The following PIP5K1C variants were observed in gnomAD, a reference collection of about 807,000 sequenced individuals.
PIP5K1C encodes phosphatidylinositol 4-phosphate 5-kinase type-1 gamma.
Under a neutral mutation model 80.1 loss-of-function variants are expected in PIP5K1C, and 45 were observed. The observed-to-expected ratio is 0.56, with a 90% CI of 0.44 to 0.72. The LOEUF is 0.72. Ranked by LOEUF, PIP5K1C falls within the 30% of genes least tolerant of loss-of-function variation. The pLI, the probability that PIP5K1C is intolerant of heterozygous loss-of-function variation, is 0.00. For synonymous variants in PIP5K1C, 498 were observed against 420.1 expected, an observed-to-expected ratio of 1.19 and a Z score of -2.27; for missense variants, 753 against 954.6, an observed-to-expected ratio of 0.79 and a Z score of 2.78.
intron 1 of PIP5K1C, among the ~76,000 whole-genome samples, chr19:3,678,398 G>A (rs1403554487): frequency 2.3e-5 from 3 of 132,790 alleles, no homozygotes; most frequent in Admixed American, 2.2e-4. Context: ...ATGGATGGAG[G>A]GATAGAGATG....
intron 1 of PIP5K1C, among the ~76,000 whole-genome samples, chr19:3,690,536 A>T (rs764024414): frequency 3.3e-5 from 5 of 152,170 alleles, no homozygotes; most frequent in African/African-American, 1.2e-4. Context: ...AAGTTATAAA[A>T]GTCTTAGCAG....
chr19:3,633,629 C>T (rs1181897402), intron 16 of PIP5K1C, 109 bp from the exon 17 acceptor site: 20 of 700,380 alleles, frequency 2.9e-5, no homozygotes, highest in Admixed American at 1.9e-4. Context: ...AGAGGCGAAT[C>T]CCCCATGGAA....
At chr19:3,639,057 C>T in intron 15 of PIP5K1C, 41 bp from the exon 16 acceptor site, 1 of 1,603,888 alleles carries the variant, frequency 6.2e-7, no homozygotes, top group South Asian at 1.1e-5. Flanking sequence ...CCCTCAGGCC[C>T]CACACGGAGA....
intron 2 of PIP5K1C, among the ~76,000 whole-genome samples, chr19:3,666,628 C>A (rs891363082): frequency 6.6e-6 from 1 of 152,096 alleles, no homozygotes; most frequent in African/African-American, 2.4e-5. Flanking sequence ...GGCAAATGAA[C>A]ACAGGCAAAC....
At position 3,632,429 on chromosome 19, in the gene PIP5K1C, C is replaced by G. The variant is rs1392755398; in HGVS notation, c.*738G>C. 6.6e-6 allele frequency: 1 copy of G among 152,386 alleles called. No individual in the cohort carries two copies. Among genetic ancestry groups the G allele is most frequent in the Admixed American group, 6.5e-5 (1 of 15,280 alleles). 9.4% of individuals were successfully genotyped at this position (152,386 alleles called of 1,614,324 possible). ...GAGCTCCGCCAGCGTGGGTGGCAGC[C>G]TGGGGAAGAGGAGGCCTGGCCCTCC... On this transcript the variant is annotated 3_prime_UTR_variant, in exon 18 of 18. Coordinates refer to ENST00000335312, the MANE Select transcript of PIP5K1C (RefSeq NM_012398.3).
chr19:3,645,843 G>A, intron 11 of PIP5K1C, 131 bp downstream of exon 11: 1 of 776,576 alleles, frequency 1.3e-6, no homozygotes, highest in Admixed American at 1.8e-5. Flanking sequence ...CCGGTCTGAG[G>A]GGGGCACAGG....
intron 1 of PIP5K1C, among the ~76,000 whole-genome samples, chr19:3,678,181 G>GA (rs2145561617): frequency 1.4e-5 from 2 of 140,000 alleles, no homozygotes; most frequent in East Asian, 2.3e-4. Context: ...GAGGGATGGA[G>GA]GATGGAGAAT....
At chr19:3,641,463 C>A in intron 15 of PIP5K1C, among the ~76,000 whole-genome samples, 1 of 152,126 alleles carries the variant, frequency 6.6e-6, no homozygotes, top group East Asian at 1.9e-4. Context: ...CAGGAGCACC[C>A]CCCAGTTCTA....
chr19:3,642,772 C>G, intron 14 of PIP5K1C, 135 bp downstream of exon 14: 1 of 771,004 alleles, frequency 1.3e-6, no homozygotes, highest in African/African-American at 1.7e-5. Flanking sequence ...GTGCTAGGGC[C>G]GAGTGCTACA....
Position 3,686,659 on chromosome 19 carries a change from G to A in PIP5K1C, c.94+13638C>T, listed in dbSNP as rs182383997. On this transcript the variant is annotated intron_variant, in intron 1 of 17. Transcript: ENST00000335312. ...CTTGAACCCAGGAGGTGGAGCTTGT[G>A]GTGAACCGAGATCGCACCATTGCAC... Among the ~76,000 whole-genome samples, 443 of 149,594 alleles carry A rather than the reference G, an allele frequency of 3.0e-3. 10 individuals carry two copies. Among genetic ancestry groups the A allele is most frequent in the Admixed American group, 0.027 (411 of 14,966 alleles).
At chr19:3,695,722 A>G (rs889103984) in intron 1 of PIP5K1C, among the ~76,000 whole-genome samples, 2 of 133,756 alleles carry the variant, frequency 1.5e-5, no homozygotes, top group African/African-American at 2.9e-5. Flanking sequence ...CCACAATCCC[A>G]CTGACCCTTT....
intron 2 of PIP5K1C, 150 bp from the exon 3 acceptor site, chr19:3,665,064 A>C: frequency 1.4e-6 from 1 of 722,500 alleles, no homozygotes; most frequent in South Asian, 1.5e-5. Context: ...TCCGGGGTGC[A>C]GCAGGAGGCC....
At chr19:3,639,070 C>A (rs2033841874) in intron 15 of PIP5K1C, 54 bp from the exon 16 acceptor site, 5 of 1,592,188 alleles carry the variant, frequency 3.1e-6, no homozygotes, top group Non-Finnish European at 4.3e-6. Context: ...CACGGAGACT[C>A]CCCGCGCCCC....
intron 8 of PIP5K1C, 26 bp downstream of exon 8, chr19:3,651,800 G>A (rs745668168): frequency 5.0e-6 from 8 of 1,602,714 alleles, no homozygotes; most frequent in Admixed American, 3.3e-5. Flanking sequence ...AAGCGGGACG[G>A]GTCCGGCGGC....
chr19:3,632,990 GGGAGGCTT>G lies in PIP5K1C; in HGVS notation c.*169_*176del. The G allele has an allele frequency of 1.9e-6, 1 of 534,866 alleles. No homozygotes were observed. The allele number at this position is 534,866 out of a possible 1,614,324, so 33.1% of individuals were successfully genotyped here. A position where few individuals can be genotyped will look rare whatever the true frequency, so the allele number is the denominator to read the frequency against. ...CTGCCGACCGGGGTGCCGGGGCCCT[GGGAGGCTT>G]GTCGGGGAGGGGCCCGGCCGTCGGC... On this transcript the variant is annotated 3_prime_UTR_variant, in exon 18 of 18. Transcript: ENST00000335312.
chr19:3,660,230 A>C (rs966078263), intron 5 of PIP5K1C, among the ~76,000 whole-genome samples: 1 of 152,068 alleles, frequency 6.6e-6, no homozygotes, highest in Non-Finnish European at 1.5e-5. Flanking sequence ...AATACAAAAA[A>C]TTAGCCGGGC....
chr19:3,660,564 C>A (rs1487944268), intron 5 of PIP5K1C, among the ~76,000 whole-genome samples: 1 of 152,294 alleles, frequency 6.6e-6, no homozygotes, highest in East Asian at 1.9e-4. Flanking sequence ...TCCGACTCTA[C>A]GCTGGTCCCC....
chr19:3,664,963 C>T (rs762457457), intron 2 of PIP5K1C, 49 bp from the exon 3 acceptor site: 4 of 1,407,898 alleles, frequency 2.8e-6, no homozygotes, highest in East Asian at 2.3e-5. Flanking sequence ...GCACGCCCAC[C>T]GGGACAGGGC....
At chr19:3,663,298 C>G (rs1383213758) in intron 3 of PIP5K1C, among the ~76,000 whole-genome samples, 1 of 152,238 alleles carries the variant, frequency 6.6e-6, no homozygotes, top group Non-Finnish European at 1.5e-5. Flanking sequence ...GCTCCTGTCG[C>G]AGGTGCGAGG....
Sources: allele counts gnomAD v4.1 joint callset (sites outside exome capture counted in the v4.1 genomes callset), GRCh38; gene constraint gnomAD v4.1.1; transcripts MANE v1.5; gene names NCBI Gene and HGNC (gene_info 2026-07-23, HGNC 2026-07-21).